The following DMD variants were observed in gnomAD, a reference collection of about 807,000 sequenced individuals.
The protein encoded by DMD is mutant dystrophin.
Under a neutral mutation model 330.1 loss-of-function variants are expected in DMD, and 63 were observed. The observed-to-expected ratio is 0.19, with a 90% CI of 0.16 to 0.24. The LOEUF (loss-of-function observed/expected upper bound fraction) is 0.24, where lower values mean the gene tolerates loss of function less well. Ranked by LOEUF, DMD falls within the 10% of genes least tolerant of loss-of-function variation. DMD has a pLI of 1.00. For synonymous variants in DMD, 1,223 were observed against 959.8 expected, an observed-to-expected ratio of 1.27 and a Z score of -5.07; for missense variants, 3,344 against 2,684.1, an observed-to-expected ratio of 1.25 and a Z score of -5.43.
chrX:31,975,979 T>C (rs1340012944), intron 44 of DMD, among the ~76,000 whole-genome samples: 1 of 111,623 alleles, frequency 9.0e-6, no homozygotes, highest in Non-Finnish European at 1.9e-5. Context: ...ATGCCTATAT[T>C]TTCACTCTGT....
intron 46 of DMD, 57 bp from the exon 47 acceptor site, chrX:31,929,802 C>T: frequency 8.5e-7 from 1 of 1,178,426 alleles, no homozygotes; most frequent in Non-Finnish European, 1.2e-6. Flanking sequence ...TTCCAACTAC[C>T]TTGTCTTTGC....
chrX:32,854,578 A>AG (rs1337879167), intron 2 of DMD, among the ~76,000 whole-genome samples: 10 of 100,366 alleles, frequency 1.0e-4, no homozygotes, highest in African/African-American at 3.8e-4. Flanking sequence ...TATCAAAAAA[A>AG]AAAAAAAAAG....
chrX:32,718,919 A>T (rs905070410), intron 7 of DMD, among the ~76,000 whole-genome samples: 4 of 112,276 alleles, frequency 3.6e-5, no homozygotes, highest in African/African-American at 9.7e-5. Flanking sequence ...GTAAATAGTT[A>T]ATAACCTTCC....
chrX:31,294,894 C>G (rs1378609737), intron 62 of DMD, among the ~76,000 whole-genome samples: 1 of 112,195 alleles, frequency 8.9e-6, no homozygotes, highest in African/African-American at 3.2e-5. Context: ...AGTGCAGATC[C>G]ACGTGATTCT....
intron 18 of DMD, among the ~76,000 whole-genome samples, chrX:32,514,835 G>A (rs1365441134): frequency 8.9e-6 from 1 of 112,761 alleles, no homozygotes; most frequent in Non-Finnish European, 1.9e-5. Flanking sequence ...TTGAGGAGAT[G>A]AGAGAAACAA....
chrX:32,052,155 G>T (rs1324514171), intron 44 of DMD, among the ~76,000 whole-genome samples: 2 of 111,482 alleles, frequency 1.8e-5, no homozygotes, highest in African/African-American at 6.5e-5. Context: ...CATAGAACCT[G>T]AGTAAGTAAA....
intron 50 of DMD, among the ~76,000 whole-genome samples, chrX:31,794,353 TGGATGTGACCAG>T (rs1256969489): frequency 9.0e-6 from 1 of 111,662 alleles, no homozygotes; most frequent in Non-Finnish European, 1.9e-5. Context: ...TGCTGAAAAG[TGGATGTGACCAG>T]GGAATGGCTT....
At chrX:32,340,667 C>A (rs907427487) in intron 41 of DMD, among the ~76,000 whole-genome samples, 4 of 111,863 alleles carry the variant, frequency 3.6e-5, no homozygotes, top group Admixed American at 9.5e-5. Context: ...AGGACTCCCC[C>A]TTGAATGATC....
chrX:32,827,119 T>C (rs982203841), intron 4 of DMD, among the ~76,000 whole-genome samples: 1 of 96,588 alleles, frequency 1.0e-5, no homozygotes, highest in African/African-American at 4.0e-5. Context: ...TAAATGTTCA[T>C]GGTTTTTTTC....
At chrX:32,784,961 T>G (rs762923859) in intron 7 of DMD, among the ~76,000 whole-genome samples, 1 of 111,449 alleles carries the variant, frequency 9.0e-6, no homozygotes, top group Admixed American at 9.6e-5. Context: ...CTATTCCTTA[T>G]GTAAAGTTAT....
At chrX:33,022,252 T>A (rs2093928063) in intron 1 of DMD, among the ~76,000 whole-genome samples, 1 of 111,344 alleles carries the variant, frequency 9.0e-6, no homozygotes, top group Admixed American at 9.6e-5. Context: ...TGAAGTGATT[T>A]AATCTAGAGG....
At chrX:32,520,314 T>A (rs746399159) in intron 17 of DMD, among the ~76,000 whole-genome samples, 1 of 112,340 alleles carries the variant, frequency 8.9e-6, no homozygotes, top group East Asian at 2.8e-4. Flanking sequence ...ACTCTCCTAC[T>A]ATGGTTATTT....
intron 59 of DMD, among the ~76,000 whole-genome samples, chrX:31,448,867 G>A (rs1386681756): frequency 1.8e-5 from 2 of 111,907 alleles, no homozygotes; most frequent in Non-Finnish European, 3.8e-5. Context: ...TAGAATGATA[G>A]GTAAGTCTGA....
intron 54 of DMD, among the ~76,000 whole-genome samples, chrX:31,636,192 G>T (rs999975751): frequency 3.6e-5 from 4 of 111,035 alleles, no homozygotes; most frequent in Admixed American, 9.6e-5. Context: ...GCCTACTGGA[G>T]TGGGGAGGGT....
chrX:32,646,664 C>T (rs920295612), intron 9 of DMD, among the ~76,000 whole-genome samples: 4 of 111,405 alleles, frequency 3.6e-5, no homozygotes, highest in Non-Finnish European at 7.5e-5. Flanking sequence ...ACCCACTAAG[C>T]TGCCAGCACC....
chrX:32,178,443 T>C (rs2096913888), intron 44 of DMD, among the ~76,000 whole-genome samples: 1 of 110,268 alleles, frequency 9.1e-6, no homozygotes, highest in African/African-American at 3.3e-5. Context: ...TATCTATCAT[T>C]TCACAGTTAC....
intron 1 of DMD, among the ~76,000 whole-genome samples, chrX:33,194,815 A>G (rs2050836326): frequency 8.9e-6 from 1 of 111,758 alleles, no homozygotes; most frequent in South Asian, 3.7e-4. Context: ...AGGGTTCAAG[A>G]CACCAGTTTT....
intron 7 of DMD, among the ~76,000 whole-genome samples, chrX:32,804,113 G>A (rs971102701): frequency 3.6e-4 from 40 of 111,170 alleles, no homozygotes; most frequent in South Asian, 7.7e-4. Flanking sequence ...TGCCTGGAAC[G>A]CCAGCGAGAC....
In DMD at chrX:31,977,103, A is replaced by G. The variant is rs773196251; in HGVS notation, c.6439-8589T>C. Among the ~76,000 whole-genome samples the G allele has an allele frequency of 4.5e-4, 50 of 111,895 alleles. 1 individual carries two copies. Among genetic ancestry groups the G allele is most frequent in the African/African-American group, 1.4e-3 (42 of 30,869 alleles). On this transcript the variant is annotated intron_variant, in intron 44 of 78. Coordinates refer to ENST00000357033, the MANE Select transcript of DMD (RefSeq NM_004006.3). ...GGAAAAGAAACAGACAAGTTGAGGT[A>G]ATTACTATTATAAAGGCCTTAAAGA...
Sources: gnomAD v4.1 joint callset for allele counts (sites outside exome capture counted in the v4.1 genomes callset) on GRCh38, gnomAD v4.1.1 for gene constraint, MANE v1.5 for transcripts, NCBI Gene and HGNC (gene_info 2026-07-23, HGNC 2026-07-21) for gene names.